The following TSC22D3 variants were observed in gnomAD, a reference collection of about 807,000 sequenced individuals.
TSC22D3 encodes the protein TSC22 domain family protein 3.
A neutral mutation model predicts 11.1 loss-of-function variants in TSC22D3; 4 were observed. That is an observed-to-expected ratio of 0.36 (90% CI 0.18 to 0.83). The LOEUF (loss-of-function observed/expected upper bound fraction) is 0.83, where lower values mean the gene tolerates loss of function less well. Ranked by LOEUF, TSC22D3 falls within the 40% of genes least tolerant of loss-of-function variation. The pLI, the probability that TSC22D3 is intolerant of heterozygous loss-of-function variation, is 0.48. For synonymous variants in TSC22D3, 77 were observed against 70.3 expected (o/e 1.10, Z -0.48); for missense variants, 118 against 159.4 (o/e 0.74, Z 1.40).
Position 107,715,649 on chromosome X carries a change from C to G in TSC22D3, c.372+250G>C, listed in dbSNP as rs1167099590. On this transcript the variant is annotated intron_variant, in intron 2 of 2. Coordinates refer to ENST00000372383, the MANE Select transcript of TSC22D3 (RefSeq NM_198057.3). ...CCCAACAACAGGCCCAGGAGAGAGT[C>G]AGAGCCTGCGGCAAAGACCTGAGAT... The G allele has an allele frequency of 1.1e-5, 5 of 437,480 alleles. No individual in the cohort carries two copies. In the African/African-American group the frequency reaches 1.2e-4, roughly 11 times the overall value. 36.1% of individuals were successfully genotyped at this position (437,480 alleles called of 1,213,427 possible).
At chrX:107,742,940 G>A (rs889389944) in intron 1 of TSC22D3, among the ~76,000 whole-genome samples, 1 of 112,094 alleles carries the variant, frequency 8.9e-6, no homozygotes, top group African/African-American at 3.2e-5. Flanking sequence ...CAGCCCCACA[G>A]CACCTGTGGT....
At chrX:107,750,290 G>A (rs1374582374) in intron 1 of TSC22D3, among the ~76,000 whole-genome samples, 1 of 107,272 alleles carries the variant, frequency 9.3e-6, no homozygotes, top group African/African-American at 3.4e-5. Flanking sequence ...TTGCTCCCTA[G>A]GGTGAGTCTG....
intron 1 of TSC22D3, among the ~76,000 whole-genome samples, chrX:107,737,390 C>T (rs1928193040): frequency 9.0e-6 from 1 of 111,697 alleles, no homozygotes; most frequent in Non-Finnish European, 1.9e-5. Context: ...AGGGGTTTCG[C>T]TAAGTAAGAG....
Position 107,743,733 on chromosome X carries a change from C to T in TSC22D3, c.321-27783G>A, listed in dbSNP as rs1928530447. Reference sequence around the variant, plus strand: ...ATTGAAGACCTTTGCTCTTCCCTGCCCTCATTCTTTCTAGAGTGCTCTTCC... The same window carrying T: ...ATTGAAGACCTTTGCTCTTCCCTGCTCTCATTCTTTCTAGAGTGCTCTTCC... On this transcript the variant is annotated intron_variant, in intron 1 of 2. Coordinates refer to ENST00000372383, the MANE Select transcript of TSC22D3 (RefSeq NM_198057.3). 2.7e-5 allele frequency among the ~76,000 whole-genome samples: 3 copies of T among 112,205 alleles called. No homozygotes were observed. In the Admixed American group the frequency reaches 2.8e-4, roughly 11 times the overall value.
chrX:107,719,371 T>C (rs1406190063), intron 1 of TSC22D3, among the ~76,000 whole-genome samples: 5 of 112,314 alleles, frequency 4.5e-5, no homozygotes, highest in African/African-American at 6.5e-5. Context: ...GAGTTGTTCA[T>C]TAGTTATACT....
At chrX:107,754,505 A>C (rs1460933767) in intron 1 of TSC22D3, among the ~76,000 whole-genome samples, 1 of 112,217 alleles carries the variant, frequency 8.9e-6, no homozygotes, top group Non-Finnish European at 1.9e-5. Context: ...ATAATCCACA[A>C]AATGGATAAT....
chrX:107,774,592 C>G (rs1432061089), intron 1 of TSC22D3, among the ~76,000 whole-genome samples: 1 of 111,780 alleles, frequency 8.9e-6, no homozygotes, highest in Non-Finnish European at 1.9e-5. Context: ...TTTCCCCTCC[C>G]CATCTCCCTC....
chrX:107,720,665 CT>C (rs771050510), intron 1 of TSC22D3, among the ~76,000 whole-genome samples: 112 of 108,640 alleles, frequency 1.0e-3, no homozygotes, highest in Middle Eastern at 4.7e-3. Context: ...TGCACTCCAG[CT>C]TGGGCAACAA....
intron 1 of TSC22D3, among the ~76,000 whole-genome samples, chrX:107,765,356 G>A (rs1929611823): frequency 8.9e-6 from 1 of 112,020 alleles, no homozygotes; most frequent in African/African-American, 3.2e-5. Context: ...CTGAGGTCAC[G>A]CCAGTGCTTT....
chrX:107,716,545 T>TGGCCCCCCCCCCCCC, intron 1 of TSC22D3: 1 of 796,129 alleles, frequency 1.3e-6, no homozygotes, highest in Non-Finnish European at 1.5e-6. Flanking sequence ...CCTTCCTGCG[T>TGGCCCCCCCCCCCCC]CCCCTCCCCC....
At chrX:107,766,684 T>C (rs993602397) in intron 1 of TSC22D3, among the ~76,000 whole-genome samples, 1 of 111,355 alleles carries the variant, frequency 9.0e-6, no homozygotes, top group African/African-American at 3.3e-5. Flanking sequence ...CATTTACTGC[T>C]GAGTGTGGAG....
chrX:107,734,250 A>G (rs183272352), intron 1 of TSC22D3, among the ~76,000 whole-genome samples: 74 of 112,309 alleles, frequency 6.6e-4, no homozygotes, highest in South Asian at 2.6e-3. Flanking sequence ...ACCATAGTAC[A>G]GTGTGTATCT....
intron 1 of TSC22D3, among the ~76,000 whole-genome samples, chrX:107,729,618 G>T (rs1927794646): frequency 8.9e-6 from 1 of 112,379 alleles, no homozygotes; most frequent in African/African-American, 3.2e-5. Flanking sequence ...TTGACCAGGT[G>T]ATAGCCAACT....
At chrX:107,728,226 C>T (rs769035057) in intron 1 of TSC22D3, among the ~76,000 whole-genome samples, 2 of 112,084 alleles carry the variant, frequency 1.8e-5, no homozygotes, top group Non-Finnish European at 3.8e-5. Context: ...ACTATAGGCA[C>T]ATTCATGAAT....
rs755444140 is a variant in TSC22D3, at chrX:107,761,388, C to CA, written c.320+13711dup. On this transcript the variant is annotated intron_variant, in intron 1 of 2. Transcript: ENST00000372383. The stretch of plus-strand genomic sequence containing the variant: ...GGCTCCCCAGGACTGGGCTCCTGCT[C>CA]AAAGGCCCTGGGGCACACCTTGCAG... Among the ~76,000 whole-genome samples the CA allele has an allele frequency of 2.7e-5, 3 of 112,563 alleles. No homozygotes were observed. The Admixed American group carries it at 2.8e-4, about 10-fold the overall frequency.
intron 1 of TSC22D3, among the ~76,000 whole-genome samples, chrX:107,730,792 C>G (rs1400033569): frequency 8.9e-6 from 1 of 112,391 alleles, no homozygotes; most frequent in African/African-American, 3.2e-5. Context: ...AAGTAGGAGT[C>G]TGTCTTCAGA....
At chrX:107,736,455 C>A (rs1035465517) in intron 1 of TSC22D3, among the ~76,000 whole-genome samples, 1 of 111,844 alleles carries the variant, frequency 8.9e-6, no homozygotes, top group East Asian at 2.8e-4. Flanking sequence ...TTTCTCTCTT[C>A]TTTATATTCT....
At chrX:107,724,987 G>A (rs368300690) in intron 1 of TSC22D3, among the ~76,000 whole-genome samples, 1 of 111,539 alleles carries the variant, frequency 9.0e-6, no homozygotes, top group East Asian at 2.8e-4. Flanking sequence ...TCTGTGACTT[G>A]AGAAGTGTGA....
intron 1 of TSC22D3, among the ~76,000 whole-genome samples, chrX:107,759,743 A>G (rs1433142285): frequency 8.9e-6 from 1 of 112,341 alleles, no homozygotes; most frequent in African/African-American, 3.2e-5. Context: ...CCTTTCTTTT[A>G]GTACAGTGCA....
Sources: gnomAD v4.1 joint callset for allele counts (sites outside exome capture counted in the v4.1 genomes callset) on GRCh38, gnomAD v4.1.1 for gene constraint, MANE v1.5 for transcripts, NCBI Gene and HGNC (gene_info 2026-07-23, HGNC 2026-07-21) for gene names.